The following CDH8 variants were observed in gnomAD, a reference collection of about 807,000 sequenced individuals.
CDH8 encodes the protein cadherin 8, also known as cadherin-8.
A neutral mutation model predicts 68.1 loss-of-function variants in CDH8; 17 were observed. The observed-to-expected ratio is 0.25, with a 90% CI of 0.17 to 0.37. The LOEUF is 0.37. CDH8 is among the 10% of genes least tolerant of loss of function. CDH8 has a pLI of 1.00. For missense variants in CDH8, 763 were observed against 999.3 expected, an observed-to-expected ratio of 0.76 and a Z score of 3.19; for synonymous variants, 372 against 365.1, an observed-to-expected ratio of 1.02 and a Z score of -0.21.
chr16:61,755,845 G>A (rs1318659044), intron 8 of CDH8, among the ~76,000 whole-genome samples: 82 of 150,536 alleles, frequency 5.4e-4, no homozygotes, highest in Admixed American at 5.4e-3. Context: ...ACAGGGTCTC[G>A]CGTCTCGCTC....
At chr16:61,911,161 T>C (rs751417125) in intron 2 of CDH8, among the ~76,000 whole-genome samples, 1 of 151,960 alleles carries the variant, frequency 6.6e-6, no homozygotes, top group South Asian at 2.1e-4. Context: ...AGTGGAAGGA[T>C]GGACGGATGG....
At chr16:61,962,199 G>T (rs1475250877) in intron 2 of CDH8, among the ~76,000 whole-genome samples, 3 of 152,198 alleles carry the variant, frequency 2.0e-5, no homozygotes, top group Non-Finnish European at 4.4e-5. Flanking sequence ...TGTCGCAGAA[G>T]TGGCAGAGGC....
chr16:61,799,757 C>T (rs1253492783), intron 7 of CDH8, among the ~76,000 whole-genome samples: 1 of 151,952 alleles, frequency 6.6e-6, no homozygotes, highest in Non-Finnish European at 1.5e-5. Context: ...TAGTGTATAA[C>T]TATGTCAAAA....
chr16:61,798,509 T>A (rs1163667316), intron 7 of CDH8, among the ~76,000 whole-genome samples: 3 of 152,226 alleles, frequency 2.0e-5, no homozygotes, highest in African/African-American at 7.2e-5. Flanking sequence ...ATTGAAATTT[T>A]TACTTTATTT....
intron 8 of CDH8, among the ~76,000 whole-genome samples, chr16:61,749,861 A>G (rs1353489796): frequency 6.6e-6 from 1 of 152,086 alleles, no homozygotes; most frequent in Non-Finnish European, 1.5e-5. Context: ...CTATTTTTAA[A>G]GGAACTTTGT....
intron 8 of CDH8, among the ~76,000 whole-genome samples, chr16:61,733,966 C>G (rs1305379954): frequency 6.6e-6 from 1 of 151,902 alleles, no homozygotes; most frequent in African/African-American, 2.4e-5. Flanking sequence ...TTAATTCATT[C>G]ATTTTCTTGA....
At chr16:61,793,705 A>AG (rs1961435183) in intron 7 of CDH8, among the ~76,000 whole-genome samples, 1 of 151,968 alleles carries the variant, frequency 6.6e-6, no homozygotes, top group Non-Finnish European at 1.5e-5. Flanking sequence ...ATAGTGCTGC[A>AG]ATTAACCTAT....
intron 7 of CDH8, among the ~76,000 whole-genome samples, chr16:61,811,407 T>C (rs1234733688): frequency 1.3e-5 from 2 of 152,134 alleles, no homozygotes; most frequent in Non-Finnish European, 2.9e-5. Flanking sequence ...ATGAAACAAG[T>C]TTTAATTATT....
At chr16:61,808,142 T>C (rs1201348507) in intron 7 of CDH8, among the ~76,000 whole-genome samples, 1 of 152,212 alleles carries the variant, frequency 6.6e-6, no homozygotes, top group Non-Finnish European at 1.5e-5. Context: ...ATATTCAAGT[T>C]TGATGTACAA....
intron 4 of CDH8, among the ~76,000 whole-genome samples, chr16:61,853,234 T>C (rs1469659719): frequency 6.6e-6 from 1 of 152,034 alleles, no homozygotes; most frequent in Non-Finnish European, 1.5e-5. Context: ...AATAATTCCA[T>C]GAAGTGAAAT....
intron 3 of CDH8, among the ~76,000 whole-genome samples, chr16:61,882,254 T>C (rs902820902): frequency 3.3e-5 from 5 of 152,206 alleles, no homozygotes; most frequent in Non-Finnish European, 5.9e-5. Flanking sequence ...AAAGCTCCCA[T>C]CCAATATTTA....
At chr16:61,750,303 G>C (rs746091704) in intron 8 of CDH8, among the ~76,000 whole-genome samples, 34 of 152,200 alleles carry the variant, frequency 2.2e-4, no homozygotes, top group Admixed American at 8.5e-4. Context: ...TCTGACCACT[G>C]CAAGTAAAGA....
At chr16:61,964,117 A>G (rs1300426665) in intron 2 of CDH8, among the ~76,000 whole-genome samples, 1 of 152,224 alleles carries the variant, frequency 6.6e-6, no homozygotes, top group Non-Finnish European at 1.5e-5. Flanking sequence ...TATCAACAAG[A>G]CTTAAAAGGT....
intron 2 of CDH8, among the ~76,000 whole-genome samples, chr16:61,982,271 G>C (rs1034513938): frequency 6.6e-6 from 1 of 152,112 alleles, no homozygotes; most frequent in East Asian, 1.9e-4. Flanking sequence ...CCAGGCTGGA[G>C]TGCAGTGGCG....
At chr16:61,757,440 C>T (rs1960350788) in intron 8 of CDH8, among the ~76,000 whole-genome samples, 1 of 151,988 alleles carries the variant, frequency 6.6e-6, no homozygotes, top group South Asian at 2.1e-4. Flanking sequence ...TCTTTGAGAA[C>T]TCTAATTATA....
chr16:61,820,040 T>G (rs1206341845), intron 6 of CDH8, among the ~76,000 whole-genome samples: 1 of 152,068 alleles, frequency 6.6e-6, no homozygotes, highest in Non-Finnish European at 1.5e-5. Context: ...AAATGGAAAA[T>G]GCTGTACAGA....
intron 8 of CDH8, among the ~76,000 whole-genome samples, chr16:61,749,271 G>T (rs1177564521): frequency 6.6e-6 from 1 of 151,984 alleles, no homozygotes; most frequent in African/African-American, 2.4e-5. Flanking sequence ...AACCATAGTG[G>T]TAAAACTCTG....
chr16:61,894,412 T>C (rs1327031841), intron 3 of CDH8, among the ~76,000 whole-genome samples: 1 of 152,140 alleles, frequency 6.6e-6, no homozygotes, highest in Non-Finnish European at 1.5e-5. Flanking sequence ...AGCTGCAGAT[T>C]ATTTGATGAG....
intron 4 of CDH8, among the ~76,000 whole-genome samples, chr16:61,844,654 C>T (rs1431255962): frequency 6.6e-6 from 1 of 152,092 alleles, no homozygotes; most frequent in African/African-American, 2.4e-5. Context: ...GATGTGATCT[C>T]AGAATAGATT....
Sources: allele counts gnomAD v4.1 joint callset (sites outside exome capture counted in the v4.1 genomes callset), GRCh38; gene constraint gnomAD v4.1.1; transcripts MANE v1.5; gene names NCBI Gene and HGNC (gene_info 2026-07-23, HGNC 2026-07-21).